The following CNTN3 variants were observed in gnomAD, a reference collection of about 807,000 sequenced individuals.
CNTN3 encodes contactin 3, also known as contactin-3.
Under a neutral mutation model 119.1 loss-of-function variants are expected in CNTN3, and 60 were observed. That is an observed-to-expected ratio of 0.50 (90% confidence interval 0.41 to 0.62). The LOEUF (loss-of-function observed/expected upper bound fraction) is 0.62, where lower values mean the gene tolerates loss of function less well. CNTN3 is among the 20% of genes least tolerant of loss of function. The pLI is 0.00. For missense variants in CNTN3, 1,101 were observed against 1,242.4 expected (o/e 0.89, Z 1.71); for synonymous variants, 450 against 438.7 (o/e 1.03, Z -0.32).
intron 1 of CNTN3, among the ~76,000 whole-genome samples, chr3:74,530,646 C>T (rs970171643): frequency 2.0e-5 from 3 of 152,020 alleles, no homozygotes; most frequent in African/African-American, 7.2e-5. Context: ...GCACAGAATA[C>T]ATGACGTTTC....
chr3:74,467,806 T>C (rs1183332640), intron 4 of CNTN3, among the ~76,000 whole-genome samples: 1 of 152,038 alleles, frequency 6.6e-6, no homozygotes, highest in African/African-American at 2.4e-5. Flanking sequence ...TCTTTAGAAG[T>C]GACAGAAAAA....
rs114230456 is a variant in CNTN3, at chr3:74,423,308, G to C, written c.454+1537C>G. Among the ~76,000 whole-genome samples the C allele has an allele frequency of 7.4e-3, 1,129 of 152,304 alleles. 12 individuals carry two copies. The highest frequency in any genetic ancestry group is 0.025 in the African/African-American group (1,039 of 41,566). On this transcript the variant is annotated intron_variant, in intron 5 of 22. Coordinates refer to ENST00000263665, the MANE Select transcript of CNTN3 (RefSeq NM_020872.3). ...TGTGATGTGGTCCAACAAAAACATG[G>C]TCATCCTGACAGGAAGTTATGGATT...
At chr3:74,296,027 C>T (rs1159312121) in intron 18 of CNTN3, among the ~76,000 whole-genome samples, 1 of 152,030 alleles carries the variant, frequency 6.6e-6, no homozygotes, top group East Asian at 1.9e-4. Context: ...GCCCACTGAT[C>T]CAGTGCAGGT....
At chr3:74,559,394 C>T (rs1306036654) in intron 1 of CNTN3, among the ~76,000 whole-genome samples, 1 of 152,126 alleles carries the variant, frequency 6.6e-6, no homozygotes, top group Admixed American at 6.6e-5. Flanking sequence ...CATCCCTGCT[C>T]CTTTGGGGCC....
intron 20 of CNTN3, 114 bp from the exon 21 acceptor site, chr3:74,267,492 G>A (rs1454271888): frequency 1.4e-6 from 1 of 703,748 alleles, no homozygotes; most frequent in Admixed American, 2.1e-5. Flanking sequence ...GATGCCTTTG[G>A]TAATGCTTGG....
At chr3:74,327,029 T>C (rs1703148611) in intron 13 of CNTN3, among the ~76,000 whole-genome samples, 1 of 151,912 alleles carries the variant, frequency 6.6e-6, no homozygotes, top group African/African-American at 2.4e-5. Flanking sequence ...AATATTGTGG[T>C]TTGTTTTATT....
At chr3:74,451,408 A>G (rs1223802086) in intron 4 of CNTN3, among the ~76,000 whole-genome samples, 1 of 151,756 alleles carries the variant, frequency 6.6e-6, no homozygotes, top group African/African-American at 2.4e-5. Context: ...TAGATTCTGG[A>G]TATTAGCCCT....
chr3:74,400,538 C>T (rs545179240), intron 5 of CNTN3, among the ~76,000 whole-genome samples: 4 of 152,292 alleles, frequency 2.6e-5, no homozygotes, highest in South Asian at 2.1e-4. Flanking sequence ...TTTATACGAA[C>T]GTGCACTTGC....
intron 4 of CNTN3, among the ~76,000 whole-genome samples, chr3:74,465,532 G>T (rs1036711377): frequency 6.6e-6 from 1 of 152,152 alleles, no homozygotes; most frequent in Non-Finnish European, 1.5e-5. Context: ...TCTAATGGAA[G>T]AATCTAGAAA....
chr3:74,335,463 C>G (rs1703369325), intron 12 of CNTN3, among the ~76,000 whole-genome samples: 1 of 152,118 alleles, frequency 6.6e-6, no homozygotes, highest in Non-Finnish European at 1.5e-5. Context: ...TCCCTGTCAT[C>G]ACCACCTCCT....
At chr3:74,486,652 T>G (rs200842265) in intron 3 of CNTN3, 21 bp from the exon 4 acceptor site, 1 of 1,499,288 alleles carries the variant, frequency 6.7e-7, no homozygotes, top group Admixed American at 2.6e-5. Flanking sequence ...AATATCAAGG[T>G]TCCCCCCCCT....
chr3:74,521,216 G>T, intron 1 of CNTN3, 24 bp from the exon 2 acceptor site: 186 of 302,218 alleles, frequency 6.2e-4, no homozygotes, highest in Middle Eastern at 1.9e-3. Flanking sequence ...GTACAAAGAA[G>T]TTCGTTAAAA....
Position 74,298,087 on chromosome 3 carries a change from G to A in CNTN3, c.2271C>T (p.Asp757=), listed in dbSNP as rs554908047. 1 of 1,613,968 alleles carries A rather than the reference G, an allele frequency of 6.2e-7. No homozygotes were observed. Among genetic ancestry groups the A allele is most frequent in the African/African-American group, 1.3e-5 (1 of 75,024 alleles). ...TWIQTVVTSP[D]TPRYVFRNES... is the part of the protein sequence containing the mutation. ...CATTCCTAAAGACATATCTTGGGGT[G>A]TCAGGGGATGTCACCACTGTCTGGA... Residue 757 remains aspartate, a synonymous_variant, in exon 18 of 23, where the codon GAC becomes GAT. Transcript: ENST00000263665.
Position 74,475,763 on chromosome 3 carries a change from A to G in CNTN3, c.358+10693T>C, listed in dbSNP as rs907925214. Among the ~76,000 whole-genome samples, 6 of 152,262 alleles carry G rather than the reference A, an allele frequency of 3.9e-5. No homozygotes were observed. In the South Asian group the frequency reaches 6.2e-4, roughly 16 times the overall value. ...AAAATGCACCAACTCACTAAAATTT[A>G]TTTGTGACCCCAAAATCAGTATGTG... On this transcript the variant is annotated intron_variant, in intron 4 of 22. Coordinates refer to ENST00000263665, the MANE Select transcript of CNTN3 (RefSeq NM_020872.3).
intron 1 of CNTN3, among the ~76,000 whole-genome samples, chr3:74,592,335 G>C (rs73842135): frequency 0.016 from 2,495 of 151,864 alleles, 70 homozygotes; most frequent in African/African-American, 0.057. Context: ...AGTTTAACAG[G>C]TCACCATTAC....
rs556991311 is a variant in CNTN3 at position 74,463,838 on chromosome 3, C to G, written c.358+22618G>C. Among the ~76,000 whole-genome samples the G allele has an allele frequency of 3.6e-4, 55 of 152,248 alleles. 1 individual carries two copies. The highest frequency in any genetic ancestry group is 7.5e-4 in the Non-Finnish European group (51 of 68,026). On this transcript the variant is annotated intron_variant, in intron 4 of 22. Transcript: ENST00000263665. The stretch of plus-strand genomic sequence containing the variant: ...GTGTTGTCCACCAGCAGCTTTAAAT[C>G]AATTCATATTACACAATTGTTGAAT...
intron 5 of CNTN3, among the ~76,000 whole-genome samples, chr3:74,417,086 G>A (rs1237377672): frequency 6.6e-6 from 1 of 152,064 alleles, no homozygotes; most frequent in African/African-American, 2.4e-5. Context: ...GCCTTGGCTT[G>A]TCAGTGCAGA....
In CNTN3 at chr3:74,487,915, C is replaced by T. The variant is rs75713880; in HGVS notation, c.183-1284G>A. 9.3e-5 allele frequency among the ~76,000 whole-genome samples: 14 copies of T among 150,846 alleles called. 1 individual carries two copies. The East Asian group carries it at 2.1e-3, about 23-fold the overall frequency. On this transcript the variant is annotated intron_variant, in intron 3 of 22. Coordinates refer to ENST00000263665, the MANE Select transcript of CNTN3 (RefSeq NM_020872.3). ...ATGTGAAGTTTTAAAATACAGTTGA[C>T]GTTTATAATTTTCAGATCTTTTAAA...
intron 4 of CNTN3, among the ~76,000 whole-genome samples, chr3:74,430,659 G>A (rs1437972998): frequency 6.6e-6 from 1 of 151,944 alleles, no homozygotes; most frequent in Admixed American, 6.6e-5. Context: ...GGGGAGTGTC[G>A]TTATCAAAGG....
Sources: allele counts gnomAD v4.1 joint callset (sites outside exome capture counted in the v4.1 genomes callset), GRCh38; gene constraint gnomAD v4.1.1; transcripts MANE v1.5; gene names NCBI Gene and HGNC (gene_info 2026-07-23, HGNC 2026-07-21).